Variants in ATAD3B observed in about 807,000 individuals in gnomAD.
ATAD3B encodes ATPase family AAA domain-containing protein 3B.
Under a neutral mutation model 70.2 loss-of-function variants are expected in ATAD3B, and 59 were observed. The ratio of observed to expected loss-of-function variants is 0.84; its 90% confidence interval spans 0.68 to 1.04. ATAD3B has a LOEUF of 1.04. Ranked by LOEUF, ATAD3B falls within the 50% of genes least tolerant of loss-of-function variation. ATAD3B has a pLI of 0.00. For missense variants in ATAD3B, 961 were observed against 913.4 expected, an observed-to-expected ratio of 1.05 and a Z score of -0.67; for synonymous variants, 423 against 388.6, an observed-to-expected ratio of 1.09 and a Z score of -1.04.
In ATAD3B at chr1:1,490,252, T is replaced by G; in HGVS notation, c.1338-5T>G. ...AGCGTTTCCTTCCCCATCCCTGTCC[T>G]ACAGATTCATGCTGGTCCTGGCCAG... On this transcript the variant is annotated splice_region_variant and splice_polypyrimidine_tract_variant and intron_variant, in intron 13 of 15. Coordinates refer to ENST00000673477, the MANE Select transcript of ATAD3B (RefSeq NM_031921.6). 6.2e-7 allele frequency: 1 copy of G among 1,611,442 alleles called. No homozygotes were observed. The highest frequency in any genetic ancestry group is 2.2e-5 in the East Asian group (1 of 44,826).
chr1:1,491,205 G>C (rs1250246296), intron 15 of ATAD3B, among the ~76,000 whole-genome samples: 3 of 152,034 alleles, frequency 2.0e-5, no homozygotes, highest in Non-Finnish European at 4.4e-5. Flanking sequence ...GGGCCGAGGA[G>C]CCGAGACTCA....
At chr1:1,498,992 G>A (rs1293081495), downstream of ATAD3B, among the ~76,000 whole-genome samples, 1 of 147,578 alleles carries the variant, frequency 6.8e-6, no homozygotes, top group Admixed American at 6.8e-5. Context: ...TTCTTTTTGA[G>A]ACAGAGTCTC....
chr1:1,478,301 C>CT, intron 2 of ATAD3B: 1 of 981,674 alleles, frequency 1.0e-6, no homozygotes, highest in Middle Eastern at 3.3e-4. Context: ...CCGGCCCACT[C>CT]AGCAGGATTC....
Position 1,482,606 on chromosome 1 carries a change from A to C in ATAD3B, c.742A>C (p.Thr248Pro). 6.2e-7 allele frequency: 1 copy of C among 1,613,356 alleles called. No individual in the cohort carries two copies. The highest frequency in any genetic ancestry group is 2.2e-5 in the East Asian group (1 of 44,870). ...CTTTGTGACAGACCGGGACAAAGTG[A>C]CAGCCACGGTAAACATATTCATAAA... ...RAFVTDRDKV[T>P]ATVAGLTLLA... Residue 248 changes from threonine (T) to proline (P), a missense_variant, in exon 7 of 16, where the codon ACA (threonine) becomes CCA (proline). Around this residue, in one of 4 missense-constraint regions of ATAD3B, gnomAD observed 349 missense variants for 307.5 expected, o/e 1.14. Transcript: ENST00000673477.
chr1:1,473,866 C>G (rs1343963162), intron 1 of ATAD3B, among the ~76,000 whole-genome samples: 1 of 151,964 alleles, frequency 6.6e-6, no homozygotes, highest in Non-Finnish European at 1.5e-5. Context: ...ACAGAGTTTC[C>G]CTGTTTAAGG....
chr1:1,472,016 G>A lies in ATAD3B; in HGVS notation c.132G>A (p.Lys44=). 3 of 1,238,368 alleles carry A rather than the reference G, an allele frequency of 2.4e-6. No homozygotes were observed. Among genetic ancestry groups the A allele is most frequent in the Middle Eastern group, 3.2e-4 (1 of 3,164 alleles). 76.7% of individuals were successfully genotyped at this position (1,238,368 alleles called of 1,614,324 possible). Residue 44 remains lysine (K), a synonymous_variant, in exon 1 of 16, where the codon AAG becomes AAA. Coordinates refer to ENST00000673477, the MANE Select transcript of ATAD3B (RefSeq NM_031921.6). ...DRGLGDRPAP[K]DKWSNFDPTG... ...GTTTGGGAGACCGGCCGGCGCCCAAGGACAAATGGAGCAACTTCGACCCCA... is the reference window on the plus strand; with the variant it reads ...GTTTGGGAGACCGGCCGGCGCCCAAAGACAAATGGAGCAACTTCGACCCCA...
At chr1:1,501,533 G>A (rs1309788356), downstream of ATAD3B, among the ~76,000 whole-genome samples, 1 of 152,116 alleles carries the variant, frequency 6.6e-6, no homozygotes, top group Non-Finnish European at 1.5e-5. Flanking sequence ...GGAATTACAG[G>A]CGTGAGCCAC....
chr1:1,485,306 G>T, intron 8 of ATAD3B, 135 bp downstream of exon 8: 1 of 1,444,874 alleles, frequency 6.9e-7, no homozygotes, highest in Non-Finnish European at 9.2e-7. Context: ...TGCTTCACGG[G>T]TGGGTTTTCC....
In ATAD3B at chr1:1,487,855, G is replaced by A. The variant is rs373575774; in HGVS notation, c.1215-8G>A. 7 of 1,612,748 alleles carry A rather than the reference G, an allele frequency of 4.3e-6. No homozygotes were observed. Among genetic ancestry groups the A allele is most frequent in the African/African-American group, 2.7e-5 (2 of 74,894 alleles). On this transcript the variant is annotated splice_polypyrimidine_tract_variant and splice_region_variant and intron_variant, in intron 11 of 15. Coordinates refer to ENST00000673477, the MANE Select transcript of ATAD3B (RefSeq NM_031921.6). ...TCTCGCCTTGCTTGGCCTCTCTCTCGTTCACAGCCTCCTGCTCTTCATGGA... is the reference window on the plus strand; with the variant it reads ...TCTCGCCTTGCTTGGCCTCTCTCTCATTCACAGCCTCCTGCTCTTCATGGA...
the ATAD3B span, among the ~76,000 whole-genome samples, chr1:1,508,003 C>T: frequency 6.6e-6 from 1 of 152,228 alleles, no homozygotes; most frequent in Non-Finnish European, 1.5e-5. Flanking sequence ...TGGTGGGCTC[C>T]TGCCAGGTCC....
At chr1:1,485,695 G>C in intron 8 of ATAD3B, 87 bp from the exon 9 acceptor site, 2 of 1,575,924 alleles carry the variant, frequency 1.3e-6, no homozygotes, top group Non-Finnish European at 1.7e-6. Flanking sequence ...CTCCGTTTCT[G>C]TGTGTTACCG....
Position 1,475,490 on chromosome 1 carries a change from T to C in ATAD3B, c.206-1784T>C, listed in dbSNP as rs552417953. Among the ~76,000 whole-genome samples the C allele has an allele frequency of 1.7e-3, 261 of 152,042 alleles. 2 individuals carry two copies. Among genetic ancestry groups the C allele is most frequent in the Non-Finnish European group, 3.2e-3 (216 of 67,910 alleles). ...GATTCGCCCGTTGCTTTGTCCTTGC[T>C]GCTCTCCAGGCAAACGGGCGGCTCC... On this transcript the variant is annotated intron_variant, in intron 1 of 15. Coordinates refer to ENST00000673477, the MANE Select transcript of ATAD3B (RefSeq NM_031921.6).
intron 1 of ATAD3B, among the ~76,000 whole-genome samples, chr1:1,474,367 T>A (rs1281877866): frequency 6.7e-6 from 1 of 150,192 alleles, no homozygotes; most frequent in African/African-American, 2.5e-5. Flanking sequence ...ATTTTTTGTA[T>A]TTTTTTTAGA....
At position 1,495,979 on chromosome 1, in the gene ATAD3B, GT is replaced by G. The variant is rs1402756932; in HGVS notation, c.*163del. On this transcript the variant is annotated 3_prime_UTR_variant, in exon 16 of 16. Coordinates refer to ENST00000673477, the MANE Select transcript of ATAD3B (RefSeq NM_031921.6). ...TGGCTGAGCCCCTGGGGCAGAAGGA[GT>G]GGGGCAGGCGGGGTCTTTGTTCTCG... 7.2e-7 allele frequency: 1 copy of G among 1,381,204 alleles called. No individual in the cohort carries two copies. Among genetic ancestry groups the G allele is most frequent in the East Asian group, 2.6e-5 (1 of 38,516 alleles). The allele number at this position is 1,381,204 out of a possible 1,614,324, so 85.6% of individuals were successfully genotyped here.
In ATAD3B at chr1:1,496,272, A is replaced by G. The variant is rs1640791731; in HGVS notation, c.*455A>G. On this transcript the variant is annotated 3_prime_UTR_variant, in exon 16 of 16. Transcript: ENST00000673477. ...GCGCCCTAGCGTCCTCCTGGGGTCA[A>G]AGGTGACATAAGAGGCAGAGGCTGG... The G allele has an allele frequency of 3.1e-6, 3 of 981,944 alleles. No homozygotes were observed. Among genetic ancestry groups the G allele is most frequent in the Non-Finnish European group, 3.6e-6 (3 of 825,186 alleles). The allele number at this position is 981,944 out of a possible 1,614,324, so 60.8% of individuals were successfully genotyped here. A position where few individuals can be genotyped will look rare whatever the true frequency, so the allele number is the denominator to read the frequency against.
the ATAD3B span, chr1:1,503,656 C>G: frequency 7.4e-6 from 12 of 1,611,762 alleles, no homozygotes; most frequent in Admixed American, 3.3e-5. Flanking sequence ...ACAGTCCAAG[C>G]TCAAAGTGAG....
At chr1:1,491,755 A>C (rs187401011) in intron 15 of ATAD3B, among the ~76,000 whole-genome samples, 4 of 152,004 alleles carry the variant, frequency 2.6e-5, no homozygotes, top group Non-Finnish European at 5.9e-5. Context: ...GTATGTAGGG[A>C]GCTGTATTAG....
At chr1:1,491,603 T>G (rs1352124347) in intron 15 of ATAD3B, among the ~76,000 whole-genome samples, 1 of 151,976 alleles carries the variant, frequency 6.6e-6, no homozygotes, top group South Asian at 2.1e-4. Context: ...GAAGGCGCCC[T>G]GGCCACACAC....
At chr1:1,481,959 C>CCGGTCCGTGGTGT (rs1639928578) in intron 5 of ATAD3B, among the ~76,000 whole-genome samples, 179 bp from the exon 6 acceptor site, 7 of 144,656 alleles carry the variant, frequency 4.8e-5, no homozygotes, top group African/African-American at 1.9e-4. Context: ...GTCCGTGGTG[C>CCGGTCCGTGGTGT]GGGCCTGTCC....
Sources: allele counts gnomAD v4.1 joint callset (sites outside exome capture counted in the v4.1 genomes callset), GRCh38; gene constraint gnomAD v4.1.1; regional missense constraint gnomAD v4.1.1; transcripts MANE v1.5; gene names NCBI Gene and HGNC (gene_info 2026-07-23, HGNC 2026-07-21).